Variants in ARMC9 observed in about 807,000 individuals in gnomAD.
ARMC9 encodes lisH domain-containing protein ARMC9.
ARMC9 carries 94 observed loss-of-function variants against 107.0 expected under a neutral mutation model. That is an observed-to-expected ratio of 0.88 (90% CI 0.74 to 1.04). ARMC9 has a LOEUF of 1.04. Among genes scored for constraint, ARMC9 ranks in the 50% least tolerant of loss-of-function variants. The pLI is 0.00. For missense variants in ARMC9, 942 were observed against 1,030.1 expected, an observed-to-expected ratio of 0.91 and a Z score of 1.17; for synonymous variants, 380 against 396.9, an observed-to-expected ratio of 0.96 and a Z score of 0.51.
At chr2:231,208,370 A>G (rs2032335660) in intron 3 of ARMC9, 118 bp downstream of exon 3, 3 of 759,024 alleles carry the variant, frequency 4.0e-6, no homozygotes. Flanking sequence ...GAGTTACTTT[A>G]GATGGCACAA....
rs968316830 is a variant in ARMC9, at chr2:231,282,077, G to A, written c.1570G>A (p.Gly524Arg). The change falls in exon 17 of 25, where the codon GGA (glycine) becomes AGA (arginine). Residue 524 changes from glycine to arginine, a missense_variant. By Grantham distance (125) the Gly-to-Arg change is moderately radical (BLOSUM62 -2). Coordinates refer to ENST00000611582, the MANE Select transcript of ARMC9 (RefSeq NM_001352754.2). Reference protein sequence around the residue: ...ENHEIQPYVNGALYSILSVPS... With the variant: ...ENHEIQPYVNRALYSILSVPS... ...CTTAAAGATACAGCCGTATGTGAATGGAGCTCTGTACAGCATCCTTTCTGT... is the reference window on the plus strand; with the variant it reads ...CTTAAAGATACAGCCGTATGTGAATAGAGCTCTGTACAGCATCCTTTCTGT... The A allele has an allele frequency of 1.2e-6, 2 of 1,613,974 alleles. No homozygotes were observed. The highest frequency in any genetic ancestry group is 1.3e-5 in the African/African-American group (1 of 74,916).
chr2:231,360,727 G>C lies in ARMC9; in HGVS notation c.2132-27G>C, dbSNP rs1490104139. 1.3e-6 allele frequency: 2 copies of C among 1,536,038 alleles called. No homozygotes were observed. Among genetic ancestry groups the C allele is most frequent in the Non-Finnish European group, 1.7e-6 (2 of 1,146,928 alleles). On this transcript the variant is annotated intron_variant, in intron 22 of 24. Coordinates refer to ENST00000611582, the MANE Select transcript of ARMC9 (RefSeq NM_001352754.2). The surrounding 1 kb of genome is among the most constrained non-coding windows in gnomAD (Gnocchi z 4.7). Reference sequence around the variant, plus strand: ...TTAGAGGGGCTCCAGAGCAGATGTGGACTGAACTTTCTCTCCTCCTCCCCA... The same window carrying C: ...TTAGAGGGGCTCCAGAGCAGATGTGCACTGAACTTTCTCTCCTCCTCCCCA...
At chr2:231,327,357 A>G (rs1415457399) in intron 19 of ARMC9, among the ~76,000 whole-genome samples, 1 of 152,158 alleles carries the variant, frequency 6.6e-6, no homozygotes, top group Non-Finnish European at 1.5e-5. Flanking sequence ...TTTCCTCCTT[A>G]ACACCTGGCA....
At chr2:231,234,792 G>A (rs1327252196) in intron 7 of ARMC9, among the ~76,000 whole-genome samples, 1 of 152,162 alleles carries the variant, frequency 6.6e-6, no homozygotes, top group African/African-American at 2.4e-5. Flanking sequence ...TTTTAGTAGA[G>A]ATGGGATTTT....
intron 20 of ARMC9, among the ~76,000 whole-genome samples, chr2:231,342,678 G>A (rs533307761): frequency 1.3e-5 from 2 of 152,294 alleles, no homozygotes; most frequent in East Asian, 3.9e-4. Context: ...TGGGGTGGAA[G>A]GGAAGTTACA....
intron 19 of ARMC9, among the ~76,000 whole-genome samples, chr2:231,307,519 A>C (rs754128487): frequency 3.7e-4 from 57 of 152,336 alleles, no homozygotes; most frequent in Non-Finnish European, 6.6e-4. Context: ...GGGCCAGGCA[A>C]GCTCCAATCA....
chr2:231,228,879 T>C (rs2034933231), intron 7 of ARMC9, among the ~76,000 whole-genome samples: 1 of 151,960 alleles, frequency 6.6e-6, no homozygotes, highest in Admixed American at 6.6e-5. Context: ...GCAGCTCATG[T>C]CCCCCTAGCA....
intron 1 of ARMC9, 75 bp from the exon 2 acceptor site, chr2:231,206,123 C>T: frequency 1.1e-6 from 1 of 892,166 alleles, no homozygotes. Flanking sequence ...CATTATTCTG[C>T]TCACCACAAC....
intron 3 of ARMC9, among the ~76,000 whole-genome samples, chr2:231,211,058 T>C (rs931182200): frequency 3.9e-5 from 6 of 152,212 alleles, no homozygotes; most frequent in African/African-American, 1.4e-4. Flanking sequence ...TCAAAGTTCA[T>C]TCATGTTGCA....
chr2:231,261,995 T>A (rs2125413251), intron 11 of ARMC9, among the ~76,000 whole-genome samples: 1 of 152,166 alleles, frequency 6.6e-6, no homozygotes, highest in African/African-American at 2.4e-5. Context: ...CTAATTTTTT[T>A]GTATTTTTAG....
chr2:231,339,983 C>T (rs1485393657), intron 20 of ARMC9, among the ~76,000 whole-genome samples: 2 of 152,198 alleles, frequency 1.3e-5, no homozygotes, highest in African/African-American at 4.8e-5. Flanking sequence ...TTTTACCTTT[C>T]TCCCTTAGCA....
chr2:231,246,581 A>G (rs549133567), intron 9 of ARMC9, among the ~76,000 whole-genome samples: 5 of 152,262 alleles, frequency 3.3e-5, no homozygotes, highest in African/African-American at 1.2e-4. Flanking sequence ...TATGTGTACC[A>G]CATTTTCCTT....
At chr2:231,368,367 C>T (rs1294830677) in intron 23 of ARMC9, among the ~76,000 whole-genome samples, 1 of 152,118 alleles carries the variant, frequency 6.6e-6, no homozygotes, top group Non-Finnish European at 1.5e-5. Context: ...ATTCTCAGCA[C>T]GCGTGAGCTT....
At chr2:231,344,099 A>G (rs545223634) in intron 20 of ARMC9, among the ~76,000 whole-genome samples, 1 of 152,308 alleles carries the variant, frequency 6.6e-6, no homozygotes, top group South Asian at 2.1e-4. Context: ...TTACTCTATA[A>G]TAACTTTATA....
In ARMC9 at chr2:231,362,678, T is replaced by TCC. The variant is rs2045638211; in HGVS notation, c.2261+1796_2261+1797dup. The TCC allele has an allele frequency of 6.5e-6, 1 of 152,762 alleles. No homozygotes were observed. Among genetic ancestry groups the TCC allele is most frequent in the African/African-American group, 2.4e-5 (1 of 41,086 alleles). The allele number at this position is 152,762 out of a possible 1,614,324, so 9.5% of individuals were successfully genotyped here. ...GGGAGAAGTACAAGTTGTTCCATCT[T>TCC]CCTCTTCCTCCCTCACTGGCAACGT... On this transcript the variant is annotated intron_variant, in intron 23 of 24. Transcript: ENST00000611582. This position sits in a 1 kb window ranked among gnomAD's most constrained non-coding sequence, Gnocchi z 4.7.
chr2:231,269,502 C>T (rs1236801781), intron 12 of ARMC9, among the ~76,000 whole-genome samples: 1 of 150,636 alleles, frequency 6.6e-6, no homozygotes, highest in East Asian at 2.0e-4. Flanking sequence ...CCTCCTGCCT[C>T]AGCCTCCCGA....
chr2:231,334,787 G>T (rs1469981009), intron 20 of ARMC9, among the ~76,000 whole-genome samples: 2 of 152,124 alleles, frequency 1.3e-5, no homozygotes, highest in Non-Finnish European at 2.9e-5. Flanking sequence ...CTGTGTGCCG[G>T]GTTGGGGATC....
chr2:231,305,679 C>T (rs942781466), intron 19 of ARMC9, among the ~76,000 whole-genome samples: 4 of 152,190 alleles, frequency 2.6e-5, no homozygotes, highest in Non-Finnish European at 4.4e-5. Context: ...GGCAATATAA[C>T]TTACCTACCC....
intron 21 of ARMC9, among the ~76,000 whole-genome samples, chr2:231,354,680 C>G (rs2045263403): frequency 6.6e-6 from 1 of 152,198 alleles, no homozygotes; most frequent in African/African-American, 2.4e-5. Context: ...CCACGCCTAG[C>G]CAGACATATG....
Sources: gnomAD v4.1 joint callset for allele counts (sites outside exome capture counted in the v4.1 genomes callset) on GRCh38, gnomAD v4.1.1 for gene constraint, Gnocchi (gnomAD v3.1) non-coding constraint, MANE v1.5 for transcripts, NCBI Gene and HGNC (gene_info 2026-07-23, HGNC 2026-07-21) for gene names.